Variants in LEMD1 observed in about 807,000 individuals in gnomAD.
LEMD1 encodes LEM domain containing 1.
A neutral mutation model predicts 17.4 loss-of-function variants in LEMD1; 18 were observed. The ratio of observed to expected loss-of-function variants is 1.04; its 90% CI spans 0.72 to 1.54. LEMD1 has a LOEUF of 1.54. LEMD1 is among the 40% of genes most tolerant of loss of function. LEMD1 has a pLI of 0.00. For missense variants in LEMD1, 195 were observed against 210.4 expected (o/e 0.93, Z 0.45); for synonymous variants, 88 against 77.8 (o/e 1.13, Z -0.69).
intron 4 of LEMD1, among the ~76,000 whole-genome samples, chr1:205,413,417 T>C (rs1184718509): frequency 6.6e-6 from 1 of 151,902 alleles, no homozygotes; most frequent in Non-Finnish European, 1.5e-5. Context: ...GCCTCCTGAG[T>C]AGCTGGGACC....
chr1:205,407,887 A>G (rs1665195191), intron 4 of LEMD1, among the ~76,000 whole-genome samples: 1 of 152,164 alleles, frequency 6.6e-6, no homozygotes, highest in Non-Finnish European at 1.5e-5. Context: ...GGAGAGTTGG[A>G]GAACTGGTTG....
intron 1 of LEMD1, among the ~76,000 whole-genome samples, chr1:205,449,472 A>G (rs1472921882): frequency 6.6e-6 from 1 of 151,770 alleles, no homozygotes; most frequent in Non-Finnish European, 1.5e-5. Context: ...TCCCACCCCA[A>G]CTGTACCCTC....
chr1:205,388,004 C>A (rs1263470335), intron 4 of LEMD1, among the ~76,000 whole-genome samples: 1 of 152,166 alleles, frequency 6.6e-6, no homozygotes, highest in South Asian at 2.1e-4. Flanking sequence ...CAGATGAGAA[C>A]CCTGAGGCAT....
At position 205,419,242 on chromosome 1, in the gene LEMD1, C is replaced by T. The variant is rs574080924; in HGVS notation, c.193G>A (p.Asp65Asn). The T allele has an allele frequency of 2.5e-6, 4 of 1,614,160 alleles. No individual in the cohort carries two copies. The highest frequency in any genetic ancestry group is 1.7e-5 in the Admixed American group (1 of 60,016). ...CTTATGGCGGTACCTTCGCTGTCAT[C>T]ACTGTCCTGCGCTCCATCCAGCTCT... ...PRELDGAQDS[D>N]DSEELNIILQ... Residue 65 changes from aspartate (D) to asparagine (N), a missense_variant, in exon 3 of 6, where the codon GAT becomes AAT. By Grantham distance (23) the Asp-to-Asn change is conservative (BLOSUM62 1). Coordinates refer to ENST00000367153, the MANE Select transcript of LEMD1 (RefSeq NM_001199050.2).
chr1:205,447,347 T>G (rs1282758537), intron 1 of LEMD1, among the ~76,000 whole-genome samples: 1 of 152,180 alleles, frequency 6.6e-6, no homozygotes, highest in East Asian at 1.9e-4. Context: ...AGGTACCCAG[T>G]AAGTGTTGGT....
rs1007400859 is a variant in LEMD1 at position 205,408,471 on chromosome 1, A to T, written c.270+7761T>A. On this transcript the variant is annotated intron_variant, in intron 4 of 5. Coordinates refer to ENST00000367153, the MANE Select transcript of LEMD1 (RefSeq NM_001199050.2). ...AATATTTCGAGAGGTGTGGAAAAAGATTTAATAACTTTTTCTTTCTTTCTT... is the reference window on the plus strand; with the variant it reads ...AATATTTCGAGAGGTGTGGAAAAAGTTTTAATAACTTTTTCTTTCTTTCTT... Among the ~76,000 whole-genome samples the T allele has an allele frequency of 2.0e-5, 3 of 150,844 alleles. No individual in the cohort carries two copies. In the East Asian group the frequency reaches 5.8e-4, roughly 29 times the overall value.
At chr1:205,395,626 A>C (rs1048884002) in intron 4 of LEMD1, among the ~76,000 whole-genome samples, 1 of 151,980 alleles carries the variant, frequency 6.6e-6, no homozygotes, top group East Asian at 1.9e-4. Context: ...AAGAGAAAGA[A>C]ATTGCTTCAA....
intron 1 of LEMD1, among the ~76,000 whole-genome samples, chr1:205,421,126 G>T (rs1665942760): frequency 6.6e-6 from 1 of 152,030 alleles, no homozygotes; most frequent in Non-Finnish European, 1.5e-5. Context: ...AACAGACTTA[G>T]TAATTGCTGA....
chr1:205,446,319 G>T lies in LEMD1; in HGVS notation c.-39+3549C>A, dbSNP rs570278745. ...CCCAGCAAAGCGAGGACTGTCTCGG[G>T]TGAGTTGCTGAGCTGTGGGCTTGCT... On this transcript the variant is annotated intron_variant, in intron 1 of 3. Transcript: ENST00000367154. Among the ~76,000 whole-genome samples the T allele has an allele frequency of 4.1e-4, 63 of 152,366 alleles. 1 individual carries two copies. Among genetic ancestry groups the T allele is most frequent in the Admixed American group, 3.0e-3 (46 of 15,302 alleles).
chr1:205,401,480 C>T lies in LEMD1; in HGVS notation c.270+14752G>A, dbSNP rs1664850931. 4.6e-5 allele frequency among the ~76,000 whole-genome samples: 7 copies of T among 151,984 alleles called. No homozygotes were observed. In the South Asian group the frequency reaches 1.5e-3, roughly 31 times the overall value. The stretch of plus-strand genomic sequence containing the variant: ...GAGCATTTTTTCATGTGTCTTTTGG[C>T]TGCATAAATGTCTTCTTTTGAGAAG... On this transcript the variant is annotated intron_variant, in intron 4 of 5. Coordinates refer to ENST00000367153, the MANE Select transcript of LEMD1 (RefSeq NM_001199050.2).
chr1:205,430,249 G>A (rs577436936), intron 1 of LEMD1, among the ~76,000 whole-genome samples: 9 of 152,346 alleles, frequency 5.9e-5, no homozygotes, highest in Admixed American at 5.2e-4. Flanking sequence ...CCGCCCAAGC[G>A]CTGACCAGCT....
At chr1:205,444,291 C>T (rs1332005410) in intron 1 of LEMD1, among the ~76,000 whole-genome samples, 2 of 152,112 alleles carry the variant, frequency 1.3e-5, no homozygotes, top group Non-Finnish European at 2.9e-5. Flanking sequence ...AGCTGTTGGC[C>T]CTGGCTTCTT....
intron 1 of LEMD1, among the ~76,000 whole-genome samples, chr1:205,433,275 G>T (rs1190984260): frequency 3.3e-5 from 5 of 152,146 alleles, no homozygotes; most frequent in African/African-American, 1.2e-4. Context: ...TGACCAACAT[G>T]GTGAAACCCC....
At chr1:205,429,157 A>T (rs1275478319) in intron 1 of LEMD1, among the ~76,000 whole-genome samples, 1 of 152,014 alleles carries the variant, frequency 6.6e-6, no homozygotes, top group African/African-American at 2.4e-5. Context: ...GCCCCAACCC[A>T]CCTCCATCTC....
chr1:205,390,218 G>A lies in LEMD1; in HGVS notation c.271-5854C>T, dbSNP rs181485172. On this transcript the variant is annotated intron_variant, in intron 4 of 5. Coordinates refer to ENST00000367153, the MANE Select transcript of LEMD1 (RefSeq NM_001199050.2). ...AAAAATACAAAAATTAGCCGGGCAT[G>A]GTGGTGTGCATCTGTAATCTCAGCT... 8.9e-3 allele frequency among the ~76,000 whole-genome samples: 1,351 copies of A among 152,212 alleles called. 20 individuals carry two copies. Among genetic ancestry groups the A allele is most frequent in the African/African-American group, 0.031 (1,268 of 41,538 alleles).
At position 205,448,769 on chromosome 1, in the gene LEMD1, C is replaced by T. The variant is rs1303001648; in HGVS notation, c.-39+1099G>A. Among the ~76,000 whole-genome samples the T allele has an allele frequency of 6.6e-6, 1 of 152,152 alleles. No homozygotes were observed. The highest frequency in any genetic ancestry group is 1.5e-5 in the Non-Finnish European group (1 of 68,018). On this transcript the variant is annotated intron_variant, in intron 1 of 3. Transcript: ENST00000367154. This position sits in a 1 kb window ranked among gnomAD's most constrained non-coding sequence, Gnocchi z 4.7. ...CCGGATCTTTTCAAGGCTGCTGCTGCCAGTACCCAGGATGGGGGGCCCCAG... is the reference window on the plus strand; with the variant it reads ...CCGGATCTTTTCAAGGCTGCTGCTGTCAGTACCCAGGATGGGGGGCCCCAG...
At chr1:205,391,566 T>C (rs1664335201) in intron 4 of LEMD1, among the ~76,000 whole-genome samples, 2 of 152,118 alleles carry the variant, frequency 1.3e-5, no homozygotes, top group Non-Finnish European at 2.9e-5. Context: ...CCAAGATGCA[T>C]GAGAAGCCTG....
chr1:205,399,404 T>G (rs1185529228), intron 4 of LEMD1, among the ~76,000 whole-genome samples: 1 of 152,130 alleles, frequency 6.6e-6, no homozygotes, highest in Non-Finnish European at 1.5e-5. Flanking sequence ...TACATAAAAA[T>G]AGAGATGTAT....
chr1:205,408,660 G>T (rs1311234810), intron 4 of LEMD1, among the ~76,000 whole-genome samples: 20 of 151,798 alleles, frequency 1.3e-4, no homozygotes, highest in Non-Finnish European at 1.5e-5. Context: ...ACCATGCCCA[G>T]CTAATTTTTT....
Sources: gnomAD v4.1 joint callset for allele counts (sites outside exome capture counted in the v4.1 genomes callset) on GRCh38, gnomAD v4.1.1 for gene constraint, Gnocchi (gnomAD v3.1) non-coding constraint, MANE v1.5 for transcripts, NCBI Gene and HGNC (gene_info 2026-07-23, HGNC 2026-07-21) for gene names.